TENM1: variants seen among roughly 807,000 people sequenced by gnomAD.
TENM1 encodes teneurin-1.
A neutral mutation model predicts 174.8 loss-of-function variants in TENM1; 35 were observed. The observed-to-expected ratio is 0.20, with a 90% CI of 0.15 to 0.27. TENM1 has a LOEUF of 0.27. Among genes scored for constraint, TENM1 ranks in the 10% least tolerant of loss-of-function variants. TENM1 has a pLI of 1.00. For missense variants in TENM1, 1,633 were observed against 2,130.1 expected (o/e 0.77, Z 4.59); for synonymous variants, 781 against 798.7 (o/e 0.98, Z 0.37).
chrX:124,551,192 A>G (rs750524667), intron 14 of TENM1, among the ~76,000 whole-genome samples: 1 of 112,238 alleles, frequency 8.9e-6, no homozygotes, highest in East Asian at 2.8e-4. Flanking sequence ...TGCTATAATA[A>G]AGATGAGATT....
intron 3 of TENM1, among the ~76,000 whole-genome samples, chrX:124,881,631 C>G (rs1176870128): frequency 9.1e-6 from 1 of 110,399 alleles, no homozygotes; most frequent in African/African-American, 3.3e-5. Flanking sequence ...CATCTTTCTA[C>G]TTTTTTGATG....
intron 3 of TENM1, among the ~76,000 whole-genome samples, chrX:124,810,242 A>T (rs1369204718): frequency 8.9e-6 from 1 of 111,914 alleles, no homozygotes; most frequent in Non-Finnish European, 1.9e-5. Flanking sequence ...AATAAATAAA[A>T]GGCATCCAAA....
the TENM1 span, among the ~76,000 whole-genome samples, chrX:125,038,297 C>A: frequency 3.6e-5 from 4 of 110,062 alleles, no homozygotes; most frequent in African/African-American, 1.3e-4. Context: ...GAGAGTGACA[C>A]CAACTCTCCC....
chrX:124,973,192 T>C, the TENM1 span, among the ~76,000 whole-genome samples: 1 of 111,891 alleles, frequency 8.9e-6, no homozygotes, highest in African/African-American at 3.3e-5. Context: ...TTTGTCAGGT[T>C]TGTCAAAGAT....
chrX:124,513,090 A>C (rs1480036785), intron 18 of TENM1, among the ~76,000 whole-genome samples: 3 of 112,073 alleles, frequency 2.7e-5, no homozygotes, highest in African/African-American at 9.7e-5. Flanking sequence ...TTTAAACAAG[A>C]AAAATTTCTC....
At chrX:125,126,902 G>T in the TENM1 span, among the ~76,000 whole-genome samples, 1 of 111,449 alleles carries the variant, frequency 9.0e-6, no homozygotes, top group Non-Finnish European at 1.9e-5. Flanking sequence ...CTCTAATTCA[G>T]TTCTACACGT....
At chrX:125,147,094 T>G in the TENM1 span, among the ~76,000 whole-genome samples, 1 of 109,443 alleles carries the variant, frequency 9.1e-6, no homozygotes, top group Non-Finnish European at 1.9e-5. Flanking sequence ...TGTGTGTATA[T>G]ATATCTAATT....
At chrX:124,903,561 C>T (rs2057697528) in intron 1 of TENM1, among the ~76,000 whole-genome samples, 1 of 112,183 alleles carries the variant, frequency 8.9e-6, no homozygotes, top group South Asian at 3.7e-4. Flanking sequence ...TAAGCAAATG[C>T]TAACTATTTC....
At chrX:124,540,339 G>GTATC (rs1445772560) in intron 15 of TENM1, among the ~76,000 whole-genome samples, 1 of 111,866 alleles carries the variant, frequency 8.9e-6, no homozygotes, top group Non-Finnish European at 1.9e-5. Flanking sequence ...GAAGAATCTG[G>GTATC]TATCTCTTCT....
intron 11 of TENM1, among the ~76,000 whole-genome samples, chrX:124,611,679 A>G (rs1210601194): frequency 8.9e-6 from 1 of 111,948 alleles, no homozygotes; most frequent in African/African-American, 3.2e-5. Context: ...AAGTGGGAAC[A>G]GATCACAGAA....
the TENM1 span, among the ~76,000 whole-genome samples, chrX:125,096,345 T>C: frequency 9.0e-6 from 1 of 111,691 alleles, no homozygotes; most frequent in Non-Finnish European, 1.9e-5. Flanking sequence ...TTTATATGAA[T>C]CCAAAAAGCC....
At chrX:125,142,921 T>A in the TENM1 span, among the ~76,000 whole-genome samples, 1 of 111,976 alleles carries the variant, frequency 8.9e-6, no homozygotes, top group African/African-American at 3.2e-5. Flanking sequence ...CATCTGTTCA[T>A]AATCAGTAAT....
intron 5 of TENM1, among the ~76,000 whole-genome samples, chrX:124,702,921 G>A (rs2052809001): frequency 9.0e-6 from 1 of 111,577 alleles, no homozygotes; most frequent in Admixed American, 9.5e-5. Flanking sequence ...GGGCTTACAC[G>A]TGCCAGGCAC....
chrX:124,724,533 C>T (rs977451868), intron 4 of TENM1, among the ~76,000 whole-genome samples: 4 of 111,955 alleles, frequency 3.6e-5, no homozygotes, highest in Middle Eastern at 4.2e-3. Flanking sequence ...TGGTGGCTCA[C>T]GCCTGTAATC....
chrX:125,080,656 C>T, the TENM1 span, among the ~76,000 whole-genome samples: 6 of 110,781 alleles, frequency 5.4e-5, no homozygotes, highest in Non-Finnish European at 1.1e-4. Flanking sequence ...TATATTCCTG[C>T]TTTTGGAGCC....
chrX:124,951,588 G>C (rs919173816), intron 1 of TENM1, among the ~76,000 whole-genome samples: 2 of 97,661 alleles, frequency 2.0e-5, no homozygotes, highest in African/African-American at 7.4e-5. Flanking sequence ...TTTATGTTAT[G>C]ACAAAACATC....
At chrX:124,497,512 A>G (rs759386910) in intron 19 of TENM1, among the ~76,000 whole-genome samples, 1 of 110,932 alleles carries the variant, frequency 9.0e-6, no homozygotes, top group East Asian at 2.9e-4. Context: ...CAGTCCTTGT[A>G]ATGTTGATTC....
intron 3 of TENM1, among the ~76,000 whole-genome samples, chrX:124,861,080 C>G (rs1188764298): frequency 8.9e-6 from 1 of 111,789 alleles, no homozygotes; most frequent in Non-Finnish European, 1.9e-5. Flanking sequence ...CTTACTTCTC[C>G]CTATGCAAGT....
the TENM1 span, among the ~76,000 whole-genome samples, chrX:124,971,782 T>C: frequency 8.9e-6 from 1 of 112,085 alleles, no homozygotes; most frequent in African/African-American, 3.2e-5. Flanking sequence ...TTAATGTCTA[T>C]TTAAAATAAG....
Sources: gnomAD v4.1 joint callset for allele counts (sites outside exome capture counted in the v4.1 genomes callset) on GRCh38, gnomAD v4.1.1 for gene constraint, MANE v1.5 for transcripts, NCBI Gene and HGNC (gene_info 2026-07-23, HGNC 2026-07-21) for gene names.